The following TRPM7 variants were observed in gnomAD, a reference collection of about 807,000 sequenced individuals.
TRPM7 encodes transient receptor potential cation channel subfamily M member 7.
In TRPM7, 134 loss-of-function variants were observed where a neutral mutation model predicts 229.7. The ratio of observed to expected loss-of-function variants is 0.58; its 90% CI spans 0.51 to 0.67. TRPM7 has a LOEUF of 0.67. Among genes scored for constraint, TRPM7 ranks in the 30% least tolerant of loss-of-function variants. The probability of loss-of-function intolerance (pLI) is 0.00; values close to 1 mark genes in which losing one functional copy is unlikely to be tolerated. For missense variants in TRPM7, 1,901 were observed against 2,210.0 expected, an observed-to-expected ratio of 0.86 and a Z score of 2.80; for synonymous variants, 699 against 715.2, an observed-to-expected ratio of 0.98 and a Z score of 0.36.
Position 50,604,963 on chromosome 15 carries a change from A to G in TRPM7, c.2891T>C (p.Ile964Thr), listed in dbSNP as rs2059883020. 1.2e-6 allele frequency: 2 copies of G among 1,613,960 alleles called. No individual in the cohort carries two copies. Among genetic ancestry groups the G allele is most frequent in the East Asian group, 2.2e-5 (1 of 44,810 alleles). Residue 964 changes from isoleucine (I) to threonine (T), a missense_variant, in exon 21 of 39, where the codon ATT (isoleucine) becomes ACT (threonine). This residue lies in a region of TRPM7 where 207 missense variants were observed against 241.5 expected (regional missense o/e 0.86). Coordinates refer to ENST00000646667, the MANE Select transcript of TRPM7 (RefSeq NM_017672.6). The stretch of plus-strand genomic sequence containing the variant: ...CCAAAATATTATGTTAAGACAGTAA[A>G]TTAATCTTCCAGCCACAAAAACATG... ...DNHVFVAGRLIYCLNIIFWYV... is the reference protein window; with the variant it reads ...DNHVFVAGRLTYCLNIIFWYV...
intron 4 of TRPM7, among the ~76,000 whole-genome samples, chr15:50,646,851 ATATT>A: frequency 6.6e-6 from 1 of 152,246 alleles, no homozygotes; most frequent in Non-Finnish European, 1.5e-5. Context: ...TTGTTTATAT[ATATT>A]TAGACACATA....
intron 1 of TRPM7, among the ~76,000 whole-genome samples, chr15:50,681,723 T>G (rs1399650279): frequency 6.6e-6 from 1 of 152,230 alleles, no homozygotes; most frequent in Non-Finnish European, 1.5e-5. Flanking sequence ...GGTTAAGGTT[T>G]CCAGAAGTCT....
At chr15:50,627,860 T>A (rs1596245023) in intron 11 of TRPM7, among the ~76,000 whole-genome samples, 5 of 152,182 alleles carry the variant, frequency 3.3e-5, no homozygotes. Flanking sequence ...GGTCTAAACA[T>A]CAGGGGGAAT....
intron 1 of TRPM7, among the ~76,000 whole-genome samples, chr15:50,683,179 C>A (rs2062279694): frequency 6.6e-6 from 1 of 151,720 alleles, no homozygotes. Flanking sequence ...TGAGCCACTG[C>A]ACCCTGACCC....
chr15:50,632,865 T>C lies in TRPM7; in HGVS notation c.1131+4A>G. 6.6e-7 allele frequency: 1 copy of C among 1,514,372 alleles called. No individual in the cohort carries two copies. Among genetic ancestry groups the C allele is most frequent in the Non-Finnish European group, 8.8e-7 (1 of 1,138,918 alleles). 93.8% of individuals were successfully genotyped at this position (1,514,372 alleles called of 1,614,324 possible). On this transcript the variant is annotated splice_donor_region_variant and intron_variant, in intron 9 of 38. Coordinates refer to ENST00000646667, the MANE Select transcript of TRPM7 (RefSeq NM_017672.6). The stretch of plus-strand genomic sequence containing the variant: ...TTTTTAAATTTCTGCTGAAATCTAC[T>C]TACAAGCTCCTTTCTTTTCATGCAC...
chr15:50,633,101 T>A, intron 8 of TRPM7, 109 bp from the exon 9 acceptor site: 1 of 923,448 alleles, frequency 1.1e-6, no homozygotes, highest in Non-Finnish European at 1.5e-6. Flanking sequence ...TGGATTAATA[T>A]TACATACTTC....
At chr15:50,621,117 G>A (rs1342716434) in intron 12 of TRPM7, among the ~76,000 whole-genome samples, 5 of 124,608 alleles carry the variant, frequency 4.0e-5, no homozygotes, top group East Asian at 4.7e-4. Context: ...CCAAGATCGC[G>A]CCACTGCACT....
intron 33 of TRPM7, among the ~76,000 whole-genome samples, chr15:50,575,518 A>G (rs1356598544): frequency 3.9e-5 from 6 of 152,214 alleles, no homozygotes; most frequent in Admixed American, 3.9e-4. Context: ...GTTGCTTCTG[A>G]ATATGCCAGT....
chr15:50,664,084 A>T (rs2061813270), intron 1 of TRPM7, among the ~76,000 whole-genome samples: 1 of 152,100 alleles, frequency 6.6e-6, no homozygotes, highest in Non-Finnish European at 1.5e-5. Flanking sequence ...CGGATCACAA[A>T]GTCAGAAGAC....
intron 36 of TRPM7, among the ~76,000 whole-genome samples, chr15:50,573,193 C>T (rs1217228246): frequency 1.3e-5 from 2 of 152,272 alleles, no homozygotes; most frequent in Middle Eastern, 3.4e-3. Flanking sequence ...GAATCTACTT[C>T]GCCTCCCCTT....
At chr15:50,645,378 T>C (rs1203494481) in intron 4 of TRPM7, among the ~76,000 whole-genome samples, 1 of 151,872 alleles carries the variant, frequency 6.6e-6, no homozygotes, top group Non-Finnish European at 1.5e-5. Context: ...TCTTTTTTTT[T>C]TGACAAAGTC....
intron 1 of TRPM7, among the ~76,000 whole-genome samples, chr15:50,669,677 T>C (rs1024533044): frequency 4.6e-5 from 7 of 152,176 alleles, no homozygotes; most frequent in South Asian, 2.1e-4. Flanking sequence ...ATGGTATACC[T>C]GTCAGTAGAT....
chr15:50,570,050 G>C (rs532930096), intron 37 of TRPM7, 54 bp downstream of exon 37: 189 of 1,588,658 alleles, frequency 1.2e-4, no homozygotes, highest in Non-Finnish European at 1.5e-4. Flanking sequence ...GTTTATACAG[G>C]TACAAATATA....
Position 50,594,630 on chromosome 15 carries a change from T to C in TRPM7, c.3291-17A>G. 6.7e-7 allele frequency: 1 copy of C among 1,502,350 alleles called. No homozygotes were observed. Among genetic ancestry groups the C allele is most frequent in the African/African-American group, 1.4e-5 (1 of 70,920 alleles). The allele number at this position is 1,502,350 out of a possible 1,614,324, so 93.1% of individuals were successfully genotyped here. A position where few individuals can be genotyped will look rare whatever the true frequency, so the allele number is the denominator to read the frequency against. On this transcript the variant is annotated splice_polypyrimidine_tract_variant and intron_variant, in intron 23 of 38. Transcript: ENST00000646667. ...TACACATTGCTAGAGAAATAATGAATAAAAATAAAATAAACTTTGTTAATC... is the reference window on the plus strand; with the variant it reads ...TACACATTGCTAGAGAAATAATGAACAAAAATAAAATAAACTTTGTTAATC...
intron 22 of TRPM7, among the ~76,000 whole-genome samples, chr15:50,597,968 A>G (rs1225802940): frequency 1.3e-5 from 2 of 152,058 alleles, no homozygotes; most frequent in Non-Finnish European, 2.9e-5. Context: ...AAATAACACC[A>G]AACAGAAGCC....
At position 50,570,224 on chromosome 15, in the gene TRPM7, A is replaced by G. The variant is rs901664911; in HGVS notation, c.5309-69T>C. Reference sequence around the variant, plus strand: ...AATTGACATAAATACTGACATCTGCATAATAAAAATCATCTTAAGAGATGT... The same window carrying G: ...AATTGACATAAATACTGACATCTGCGTAATAAAAATCATCTTAAGAGATGT... On this transcript the variant is annotated intron_variant, in intron 36 of 38. Transcript: ENST00000646667. The G allele has an allele frequency of 2.7e-6, 3 of 1,116,564 alleles. No homozygotes were observed. The South Asian group carries it at 4.7e-5, about 17-fold the overall frequency. The allele number at this position is 1,116,564 out of a possible 1,614,324, so 69.2% of individuals were successfully genotyped here.
At position 50,561,926 on chromosome 15, in the gene TRPM7, C is replaced by T. The variant is rs559547202; in HGVS notation, c.5468-118G>A. The stretch of plus-strand genomic sequence containing the variant: ...ATTTTCTTTTCAAGACGGAGTTTCG[C>T]TCTTGTTGCCCAAGCTGGAGTGCAA... On this transcript the variant is annotated intron_variant, in intron 38 of 38. Transcript: ENST00000646667. 15 of 1,057,374 alleles carry T rather than the reference C, an allele frequency of 1.4e-5. No individual in the cohort carries two copies. In the South Asian group the frequency reaches 2.1e-4, roughly 15 times the overall value. The allele number at this position is 1,057,374 out of a possible 1,614,324, so 65.5% of individuals were successfully genotyped here.
chr15:50,596,653 A>T lies in TRPM7; in HGVS notation c.3164-272T>A, dbSNP rs74900838. The stretch of plus-strand genomic sequence containing the variant: ...AGAAAAGAAAGTATATTTAGGTGTT[A>T]TATTTACCCTTCGAGGCAGGGTTTA... On this transcript the variant is annotated intron_variant, in intron 22 of 38. Transcript: ENST00000646667. Among the ~76,000 whole-genome samples, 661 of 152,306 alleles carry T rather than the reference A, an allele frequency of 4.3e-3. 6 individuals are homozygous for T. The highest frequency in any genetic ancestry group is 0.015 in the African/African-American group (610 of 41,570).
chr15:50,580,358 C>CAAA (rs1328051273), intron 30 of TRPM7, among the ~76,000 whole-genome samples: 1 of 152,166 alleles, frequency 6.6e-6, no homozygotes, highest in East Asian at 1.9e-4. Context: ...AATAACCTGT[C>CAAA]AGATTGCCTA....
Sources: allele counts gnomAD v4.1 joint callset (sites outside exome capture counted in the v4.1 genomes callset), GRCh38; gene constraint gnomAD v4.1.1; regional missense constraint gnomAD v4.1.1; transcripts MANE v1.5; gene names NCBI Gene and HGNC (gene_info 2026-07-23, HGNC 2026-07-21).